Variants in TMBIM6 observed in about 807,000 individuals in gnomAD.
TMBIM6 encodes the protein transmembrane BAX inhibitor motif containing 6, also known as bax inhibitor 1.
A neutral mutation model predicts 31.4 loss-of-function variants in TMBIM6; 13 were observed. The observed-to-expected ratio is 0.41, with a 90% CI of 0.27 to 0.66. TMBIM6 has a LOEUF of 0.66. TMBIM6 is among the 30% of genes least tolerant of loss of function. The pLI is 0.28. For synonymous variants in TMBIM6, 85 were observed against 101.7 expected (o/e 0.84, Z 0.99); for missense variants, 275 against 289.5 (o/e 0.95, Z 0.36).
chr12:49,746,790 G>GAAA (rs1235151491), intron 1 of TMBIM6, among the ~76,000 whole-genome samples: 6 of 148,650 alleles, frequency 4.0e-5, no homozygotes, highest in African/African-American at 9.8e-5. Context: ...AGAAGAAGAA[G>GAAA]AAAAAAAACT....
intron 1 of TMBIM6, chr12:49,742,277 G>T: frequency 6.3e-7 from 1 of 1,595,176 alleles, no homozygotes; most frequent in Non-Finnish European, 8.5e-7. Flanking sequence ...TTACCTTTGG[G>T]CAGGTGAGGT....
At chr12:49,756,440 CTTTT>C (rs1194535783) in intron 4 of TMBIM6, among the ~76,000 whole-genome samples, 5 of 105,812 alleles carry the variant, frequency 4.7e-5, no homozygotes, top group African/African-American at 1.1e-4. Context: ...TGCCTCCTGG[CTTTT>C]TTTTTTTTTT....
rs372407739 is a variant in TMBIM6, at chr12:49,742,104, C to G, written c.-31+493C>G. The G allele has an allele frequency of 2.6e-5, 42 of 1,601,360 alleles. No individual in the cohort carries two copies. In the African/African-American group the frequency reaches 4.7e-4, roughly 18 times the overall value. Reference sequence around the variant, plus strand: ...CTGACCCTGGGTGAGCGGCCCGGAGCCAAGACTCGAGGTAGGGCCTGGCGG... The same window carrying G: ...CTGACCCTGGGTGAGCGGCCCGGAGGCAAGACTCGAGGTAGGGCCTGGCGG... On this transcript the variant is annotated intron_variant, in intron 1 of 9. Transcript: ENST00000267115.
intron 1 of TMBIM6, among the ~76,000 whole-genome samples, chr12:49,747,685 T>C (rs1406039158): frequency 2.6e-5 from 4 of 152,188 alleles, no homozygotes; most frequent in Non-Finnish European, 5.9e-5. Flanking sequence ...TAAACTGATA[T>C]TTAATTAAAT....
intron 1 of TMBIM6, chr12:49,742,321 G>C (rs1248617172): frequency 2.0e-6 from 3 of 1,531,404 alleles, no homozygotes; most frequent in African/African-American, 1.4e-5. Flanking sequence ...GGTTTTGTGG[G>C]CGTCTTTCTA....
rs773034667 is a variant in TMBIM6, at chr12:49,758,271, C to T, written c.331C>T (p.Pro111Ser). 2 of 1,614,198 alleles carry T rather than the reference C, an allele frequency of 1.2e-6. No individual in the cohort carries two copies. The highest frequency in any genetic ancestry group is 1.7e-6 in the Non-Finnish European group (2 of 1,180,028). Residue 111 changes from proline to serine, a missense_variant, in exon 5 of 10, where the codon CCC becomes TCC. Pro to Ser is a moderately conservative substitution (Grantham distance 74, BLOSUM62 -1). Coordinates refer to ENST00000267115, the MANE Select transcript of TMBIM6 (RefSeq NM_003217.3). ...CCTGGAGTTTTGTATTGCTGTCAACCCCAGGTAACTCTTTTGGTAGTGTCT... is the reference window on the plus strand; with the variant it reads ...CCTGGAGTTTTGTATTGCTGTCAACTCCAGGTAACTCTTTTGGTAGTGTCT... ...PALEFCIAVN[P>S]SILPTAFMGT...
Position 49,742,441 on chromosome 12 carries a change from T to TA in TMBIM6, c.-31+831dup, listed in dbSNP as rs1945314716. 1.6e-5 allele frequency: 16 copies of TA among 1,013,272 alleles called. No homozygotes were observed. The South Asian group carries it at 3.0e-4, about 19-fold the overall frequency. The allele number at this position is 1,013,272 out of a possible 1,614,324, so 62.8% of individuals were successfully genotyped here. On this transcript the variant is annotated intron_variant, in intron 1 of 9. Coordinates refer to ENST00000267115, the MANE Select transcript of TMBIM6 (RefSeq NM_003217.3). ...TTTGTATATTTACTGAGTGTAGAATTACTACCCGGTGCCAGCCCGGGCTGC... is the reference window on the plus strand; with the variant it reads ...TTTGTATATTTACTGAGTGTAGAATTAACTACCCGGTGCCAGCCCGGGCTGC...
At chr12:49,757,156 T>A (rs7962645) in intron 4 of TMBIM6, among the ~76,000 whole-genome samples, 1 of 152,110 alleles carries the variant, frequency 6.6e-6, no homozygotes, top group Non-Finnish European at 1.5e-5. Flanking sequence ...CGTGAGCCAC[T>A]GTGCCTGGCC....
chr12:49,762,625 C>T (rs1223658830), intron 9 of TMBIM6, among the ~76,000 whole-genome samples: 2 of 152,120 alleles, frequency 1.3e-5, no homozygotes, highest in Non-Finnish European at 2.9e-5. Flanking sequence ...AGGCAGCCCA[C>T]CTCGGCACTC....
In TMBIM6 at chr12:49,762,880, AGAAAG is replaced by A; in HGVS notation, c.699_703del (p.Lys234GlufsTer5). The A allele has an allele frequency of 6.2e-7, 1 of 1,613,040 alleles. No individual in the cohort carries two copies. Among genetic ancestry groups the A allele is most frequent in the East Asian group, 2.2e-5 (1 of 44,860 alleles). ...ATTTTTCTCCATTTCTAGGATAAGA[AGAAAG>A]AGAAGAAATGAAGTGACCATCCAGC... On this transcript the variant is annotated frameshift_variant, in exon 10 of 10. Coordinates refer to ENST00000267115, the MANE Select transcript of TMBIM6 (RefSeq NM_003217.3). LOFTEE classifies it high-confidence loss of function.
chr12:49,763,331 G>GT lies in TMBIM6; in HGVS notation c.*439dup. The GT allele has an allele frequency of 6.4e-6, 1 of 155,552 alleles. No individual in the cohort carries two copies. Among genetic ancestry groups the GT allele is most frequent in the East Asian group, 1.9e-4 (1 of 5,388 alleles). The allele number at this position is 155,552 out of a possible 1,614,324, so 9.6% of individuals were successfully genotyped here. ...CAGTTCCTGTGGGACTGGGCCGTGA[G>GT]TTTTCCATTGGAAAGAAGTTCAGTG... On this transcript the variant is annotated 3_prime_UTR_variant, in exon 10 of 10. Coordinates refer to ENST00000267115, the MANE Select transcript of TMBIM6 (RefSeq NM_003217.3).
chr12:49,741,770 T>G, intron 1 of TMBIM6, 159 bp downstream of exon 1: 3 of 238,232 alleles, frequency 1.3e-5, no homozygotes, highest in Non-Finnish European at 2.5e-5. Flanking sequence ...GAAAACAGGG[T>G]GTGGAGGGAA....
chr12:49,758,516 C>T, intron 6 of TMBIM6, 36 bp downstream of exon 6: 1 of 1,605,572 alleles, frequency 6.2e-7, no homozygotes, highest in Non-Finnish European at 8.5e-7. Context: ...ATGGGGGCTC[C>T]TTTTTAGCCA....
At position 49,749,425 on chromosome 12, in the gene TMBIM6, T is replaced by C. The variant is rs372853215; in HGVS notation, c.-30-3039T>C. Among the ~76,000 whole-genome samples, 36 of 147,416 alleles carry C rather than the reference T, an allele frequency of 2.4e-4. 1 individual carries two copies. The highest frequency in any genetic ancestry group is 9.3e-4 in the African/African-American group (35 of 37,704). On this transcript the variant is annotated intron_variant, in intron 1 of 9. Transcript: ENST00000267115. ...AGTTGAAAATGTAAGTCCTTTTCTT[T>C]TTGTAAGTCATTTTTGTTTTTTTTT...
intron 1 of TMBIM6, 99 bp from the exon 2 acceptor site, chr12:49,752,365 T>A: frequency 1.2e-6 from 1 of 848,304 alleles, no homozygotes; most frequent in Non-Finnish European, 1.8e-6. Flanking sequence ...TAGGCAAGTT[T>A]TCATCTTTCT....
chr12:49,756,649 TCTC>T (rs1295398519), intron 4 of TMBIM6, among the ~76,000 whole-genome samples: 1 of 150,754 alleles, frequency 6.6e-6, no homozygotes, highest in Non-Finnish European at 1.5e-5. Flanking sequence ...ATGGTCTTGA[TCTC>T]CTGACCTCGT....
intron 8 of TMBIM6, among the ~76,000 whole-genome samples, chr12:49,759,626 G>A (rs185564471): frequency 1.8e-4 from 27 of 152,088 alleles, no homozygotes; most frequent in Non-Finnish European, 2.9e-4. Context: ...GCAACATGGC[G>A]AAATCCCATC....
rs537389937 is a variant in TMBIM6 at position 49,758,094 on chromosome 12, G to A, written c.287-133G>A. ...TTATTGAAAACAATTACAGCGGAGG[G>A]GAGAGAGATTTAATTCTTTAGTCCA... On this transcript the variant is annotated intron_variant, in intron 4 of 9. Transcript: ENST00000267115. 2.7e-5 allele frequency: 25 copies of A among 928,018 alleles called. No individual in the cohort carries two copies. The African/African-American group carries it at 3.7e-4, about 14-fold the overall frequency. The allele number at this position is 928,018 out of a possible 1,614,324, so 57.5% of individuals were successfully genotyped here.
At chr12:49,759,104 T>C in intron 7 of TMBIM6, 117 bp from the exon 8 acceptor site, 5 of 870,124 alleles carry the variant, frequency 5.7e-6, no homozygotes, top group South Asian at 1.5e-5. Context: ...TGAATGGTAA[T>C]GTTCATAGGG....
Sources: allele counts gnomAD v4.1 joint callset (sites outside exome capture counted in the v4.1 genomes callset), GRCh38; gene constraint gnomAD v4.1.1; transcripts MANE v1.5; gene names NCBI Gene and HGNC (gene_info 2026-07-23, HGNC 2026-07-21).